The following PTPN11 variants were observed in gnomAD, a reference collection of about 807,000 sequenced individuals.
PTPN11 encodes the protein tyrosine-protein phosphatase non-receptor type 11.
A neutral mutation model predicts 78.8 loss-of-function variants in PTPN11; 6 were observed. The ratio of observed to expected loss-of-function variants is 0.08; its 90% confidence interval spans 0.04 to 0.15. The LOEUF is 0.15. Ranked by LOEUF, PTPN11 falls within the 10% of genes least tolerant of loss-of-function variation. The pLI, the probability that PTPN11 is intolerant of heterozygous loss-of-function variation, is 1.00. For missense variants in PTPN11, 386 were observed against 744.8 expected (o/e 0.52, Z 5.61); for synonymous variants, 221 against 263.5 (o/e 0.84, Z 1.56).
At chr12:112,501,635 A>C (rs1278314184) in intron 13 of PTPN11, among the ~76,000 whole-genome samples, 1 of 152,198 alleles carries the variant, frequency 6.6e-6, no homozygotes, top group African/African-American at 2.4e-5. Context: ...CAAACAAACA[A>C]AAATGGTGCC....
chr12:112,476,014 A>G (rs1453220885), intron 7 of PTPN11, among the ~76,000 whole-genome samples: 1 of 152,008 alleles, frequency 6.6e-6, no homozygotes, highest in Non-Finnish European at 1.5e-5. Flanking sequence ...TATGTTGCCC[A>G]GGCTGGTCTT....
At chr12:112,502,937 A>T (rs1242353617) in intron 14 of PTPN11, among the ~76,000 whole-genome samples, 2 of 152,324 alleles carry the variant, frequency 1.3e-5, no homozygotes, top group African/African-American at 2.4e-5. Flanking sequence ...TTGCAAAATC[A>T]AAGTAAATAA....
At chr12:112,433,110 C>T (rs987328677) in intron 1 of PTPN11, among the ~76,000 whole-genome samples, 7 of 152,148 alleles carry the variant, frequency 4.6e-5, no homozygotes, top group Non-Finnish European at 8.8e-5. Flanking sequence ...ATCCGCCTGC[C>T]TCAGCCTCCC....
At position 112,488,455 on chromosome 12, in the gene PTPN11, C is replaced by T. The variant is rs2135914967; in HGVS notation, c.1392C>T (p.Gly464=). The change falls in exon 12 of 16, where the codon GGC becomes GGT. Residue 464 remains glycine, a synonymous_variant. Transcript: ENST00000351677. ...CTTCTGCCCGCAGTGCTGGAATTGG[C>T]CGGACAGGGACGTTCATTGTGATTG... ...PVVVHCSAGI[G]RTGTFIVIDI... The T allele has an allele frequency of 6.2e-7, 1 of 1,612,434 alleles. No individual in the cohort carries two copies. Among genetic ancestry groups the T allele is most frequent in the Non-Finnish European group, 8.5e-7 (1 of 1,178,554 alleles).
At chr12:112,488,076 G>C (rs1031298528) in intron 11 of PTPN11, among the ~76,000 whole-genome samples, 1 of 152,098 alleles carries the variant, frequency 6.6e-6, no homozygotes, top group Non-Finnish European at 1.5e-5. Flanking sequence ...GAGCCACTGC[G>C]CCCGGCCCTC....
intron 1 of PTPN11, among the ~76,000 whole-genome samples, chr12:112,435,226 C>T (rs2037771687): frequency 6.6e-6 from 1 of 152,078 alleles, no homozygotes; most frequent in African/African-American, 2.4e-5. Flanking sequence ...CCCTACGTTG[C>T]CCAGGCTGAT....
chr12:112,448,616 A>AT (rs1477718064), intron 2 of PTPN11, among the ~76,000 whole-genome samples: 2 of 151,892 alleles, frequency 1.3e-5, no homozygotes, highest in African/African-American at 4.8e-5. Context: ...TTTCTCTGTA[A>AT]TTTTTTTCAG....
intron 13 of PTPN11, among the ~76,000 whole-genome samples, chr12:112,489,599 C>T (rs1313122769): frequency 2.6e-5 from 4 of 152,202 alleles, no homozygotes; most frequent in East Asian, 3.9e-4. Flanking sequence ...CTAATTTGGT[C>T]GAGTTGGAAA....
intron 6 of PTPN11, among the ~76,000 whole-genome samples, chr12:112,466,910 GGTC>G (rs1219810779): frequency 6.6e-6 from 1 of 151,186 alleles, no homozygotes; most frequent in Non-Finnish European, 1.5e-5. Flanking sequence ...CTCTCTCCTT[GGTC>G]CTTTTCCTCC....
chr12:112,426,670 CCCTGGAG>C (rs1298726314), intron 1 of PTPN11, among the ~76,000 whole-genome samples: 1 of 152,046 alleles, frequency 6.6e-6, no homozygotes, highest in Admixed American at 6.6e-5. Context: ...GTGTAATAGG[CCCTGGAG>C]CTTATTTTAG....
At chr12:112,432,280 A>G (rs770366758) in intron 1 of PTPN11, among the ~76,000 whole-genome samples, 1 of 152,168 alleles carries the variant, frequency 6.6e-6, no homozygotes, top group Non-Finnish European at 1.5e-5. Context: ...TGGTTTGACA[A>G]TATTTGTCAA....
rs1194179645 is a variant in PTPN11, at chr12:112,441,598, T to C, written c.15-4678T>C. On this transcript the variant is annotated intron_variant, in intron 1 of 15. Coordinates refer to ENST00000351677, the MANE Select transcript of PTPN11 (RefSeq NM_002834.5). ...TTGTAAGATACTTGAATTGGGTCAA[T>C]ATTTGTGGAGAAGTCTCTTAAAAGT... is the stretch of plus-strand genomic sequence containing the variant. Among the ~76,000 whole-genome samples, 3 of 152,006 alleles carry C rather than the reference T, an allele frequency of 2.0e-5. No homozygotes were observed. In the East Asian group the frequency reaches 5.8e-4, roughly 30 times the overall value.
At chr12:112,429,142 A>G (rs900755861) in intron 1 of PTPN11, among the ~76,000 whole-genome samples, 1 of 152,190 alleles carries the variant, frequency 6.6e-6, no homozygotes, top group Non-Finnish European at 1.5e-5. Flanking sequence ...ACATGTCACA[A>G]TTGCCTATGT....
chr12:112,494,288 A>G (rs1566189337), intron 13 of PTPN11, among the ~76,000 whole-genome samples: 3 of 152,166 alleles, frequency 2.0e-5, no homozygotes. Flanking sequence ...TTTGGTATCA[A>G]ATCCTAAAAA....
At chr12:112,446,202 T>A (rs1566164814) in intron 1 of PTPN11, 74 bp from the exon 2 acceptor site, 4 of 1,582,576 alleles carry the variant, frequency 2.5e-6, no homozygotes, top group Non-Finnish European at 3.5e-6. Context: ...TAATGCGTCT[T>A]AGCTGTGTTG....
chr12:112,459,433 CTT>C (rs200008574), intron 6 of PTPN11, among the ~76,000 whole-genome samples: 42 of 141,660 alleles, frequency 3.0e-4, no homozygotes, highest in Middle Eastern at 3.7e-3. Context: ...GAAGCAAATA[CTT>C]TTTTTTTTTT....
At chr12:112,489,588 A>G (rs1038214095) in intron 13 of PTPN11, among the ~76,000 whole-genome samples, 2 of 152,182 alleles carry the variant, frequency 1.3e-5, no homozygotes, top group African/African-American at 4.8e-5. Flanking sequence ...AGTTTGAACC[A>G]CTAATTTGGT....
intron 13 of PTPN11, among the ~76,000 whole-genome samples, chr12:112,493,742 T>C (rs2038783473): frequency 6.6e-6 from 1 of 152,156 alleles, no homozygotes; most frequent in Admixed American, 6.5e-5. Context: ...ATCTCCAAAA[T>C]GTATTCATCT....
Position 112,477,958 on chromosome 12 carries a change from G to C in PTPN11, c.1035G>C (p.Val345=). ...CGGTGAATGACTTTTGGCGGATGGT[G>C]TTCCAAGAAAACTCCCGAGTGATTG... ...QNTVNDFWRM[V]FQENSRVIVM... The change falls in exon 9 of 16, where the codon GTG becomes GTC. Residue 345 remains valine, a synonymous_variant. Coordinates refer to ENST00000351677, the MANE Select transcript of PTPN11 (RefSeq NM_002834.5). 6.2e-7 allele frequency: 1 copy of C among 1,614,150 alleles called. No homozygotes were observed. Among genetic ancestry groups the C allele is most frequent in the Non-Finnish European group, 8.5e-7 (1 of 1,180,022 alleles).
Sources: gnomAD v4.1 joint callset for allele counts (sites outside exome capture counted in the v4.1 genomes callset) on GRCh38, gnomAD v4.1.1 for gene constraint, MANE v1.5 for transcripts, NCBI Gene and HGNC (gene_info 2026-07-23, HGNC 2026-07-21) for gene names.